Variants in UMODL1 observed in about 807,000 individuals in gnomAD.
UMODL1 encodes uromodulin-like 1.
In UMODL1, 128 loss-of-function variants were observed where a neutral mutation model predicts 136.3. The ratio of observed to expected loss-of-function variants is 0.94; its 90% confidence interval spans 0.81 to 1.09. The LOEUF (loss-of-function observed/expected upper bound fraction) is 1.09. Among genes scored for constraint, UMODL1 ranks in the 50% least tolerant of loss-of-function variants. The pLI is 0.00. For missense variants in UMODL1, 1,766 were observed against 1,725.6 expected, an observed-to-expected ratio of 1.02 and a Z score of -0.41; for synonymous variants, 721 against 720.0, an observed-to-expected ratio of 1.00 and a Z score of -0.02.
chr21:42,127,728 C>A lies in UMODL1; in HGVS notation c.3587C>A (p.Ala1196Asp). Reference sequence around the variant, plus strand: ...ATTGAGAACGGCAACTCCAATAAGGCCCAGTTCAAGCTGAGGATCTTTTCC... The same window carrying A: ...ATTGAGAACGGCAACTCCAATAAGGACCAGTTCAAGCTGAGGATCTTTTCC... ...NVIENGNSNK[A>D]QFKLRIFSFI... Residue 1196 changes from alanine (A) to aspartate (D), a missense_variant, in exon 20 of 23, where the codon GCC (alanine) becomes GAC (aspartate). Transcript: ENST00000408910. The A allele has an allele frequency of 6.2e-7, 1 of 1,614,176 alleles. No homozygotes were observed.
chr21:42,122,739 A>G lies in UMODL1; in HGVS notation c.2828-92A>G. The stretch of plus-strand genomic sequence containing the variant: ...CCCAGGTGTGGCTGCTGCAGAGTGC[A>G]GGGCAGCTCCAGTCTGCTCCTTACC... On this transcript the variant is annotated intron_variant, in intron 16 of 22. Transcript: ENST00000408910. The surrounding 1 kb of genome is among the most constrained non-coding windows in gnomAD (Gnocchi z 4.3). 1 of 1,322,470 alleles carries G rather than the reference A, an allele frequency of 7.6e-7. No homozygotes were observed. Among genetic ancestry groups the G allele is most frequent in the South Asian group, 1.5e-5 (1 of 66,860 alleles). The allele number at this position is 1,322,470 out of a possible 1,614,324, so 81.9% of individuals were successfully genotyped here. A position where few individuals can be genotyped will look rare whatever the true frequency, so the allele number is the denominator to read the frequency against.
At chr21:42,071,857 G>A (rs2066235621) in intron 1 of UMODL1, among the ~76,000 whole-genome samples, 1 of 147,994 alleles carries the variant, frequency 6.8e-6, no homozygotes, top group African/African-American at 2.5e-5. Flanking sequence ...CCTAGCCTGG[G>A]CAACATCATG....
intron 1 of UMODL1, 113 bp from the exon 2 acceptor site, chr21:42,075,892 G>A (rs117874798): frequency 0.035 from 51,897 of 1,488,612 alleles, 1,053 homozygotes; most frequent in Middle Eastern, 0.064. Flanking sequence ...AGGCCTGCGC[G>A]AGTGCGGGAG....
At chr21:42,112,713 G>T (rs1473743795) in intron 12 of UMODL1, among the ~76,000 whole-genome samples, 2 of 152,018 alleles carry the variant, frequency 1.3e-5, no homozygotes, top group African/African-American at 4.8e-5. Flanking sequence ...TAGTTCCCCA[G>T]CTGTTCTTCA....
upstream of UMODL1, among the ~76,000 whole-genome samples, chr21:42,066,447 T>G (rs1439372239): frequency 1.3e-5 from 2 of 152,196 alleles, no homozygotes; most frequent in African/African-American, 2.4e-5. Flanking sequence ...TATGCTTGGC[T>G]AATCTTTTTT....
chr21:42,108,436 G>A (rs1475083966), intron 9 of UMODL1: 2 of 475,696 alleles, frequency 4.2e-6, no homozygotes, highest in South Asian at 1.5e-5. Context: ...TGTTCTCCAG[G>A]GAAGCTGCTT....
chr21:42,126,643 C>T (rs1314959066), intron 18 of UMODL1, among the ~76,000 whole-genome samples, 153 bp downstream of exon 18: 1 of 152,198 alleles, frequency 6.6e-6, no homozygotes, highest in Non-Finnish European at 1.5e-5. Flanking sequence ...ATTTTGTTCC[C>T]TCTTCCCACT....
Position 42,142,230 on chromosome 21 carries a change from ACGGGTGGGCTCTGCCAGAGCC to A in UMODL1, c.*163_*183del, listed in dbSNP as rs2067291719. On this transcript the variant is annotated 3_prime_UTR_variant, in exon 23 of 23. Coordinates refer to ENST00000408910, the MANE Select transcript of UMODL1 (RefSeq NM_001004416.3). Reference sequence around the variant, plus strand: ...CAAGCCTTAACGGAGGTCTGCTCTGACGGGTGGGCTCTGCCAGAGCCCGGGTGAGCCCAGAAAGGAAGACAG... The same window carrying A: ...CAAGCCTTAACGGAGGTCTGCTCTGACGGGTGAGCCCAGAAAGGAAGACAG... 1 of 152,188 alleles carries A rather than the reference ACGGGTGGGCTCTGCCAGAGCC, an allele frequency of 6.6e-6. No individual in the cohort carries two copies. The highest frequency in any genetic ancestry group is 2.4e-5 in the African/African-American group (1 of 41,424). The allele number at this position is 152,188 out of a possible 1,614,324, so 9.4% of individuals were successfully genotyped here. A position where few individuals can be genotyped will look rare whatever the true frequency, so the allele number is the denominator to read the frequency against.
Position 42,115,893 on chromosome 21 carries a change from A to G in UMODL1, c.2383A>G (p.Lys795Glu), listed in dbSNP as rs1330802190. ...TGCAGCAGCCCGGAAGCTCATTGGAAAGGTCAGAATCAAAAATGTCAGGTA... is the reference window on the plus strand; with the variant it reads ...TGCAGCAGCCCGGAAGCTCATTGGAGAGGTCAGAATCAAAAATGTCAGGTA... ...VRTAARKLIG[K>E]VRIKNVRYSE... The change falls in exon 14 of 23, where the codon AAG becomes GAG. Residue 795 changes from lysine to glutamate, a missense_variant. Physicochemically the swap from Lys to Glu is moderately conservative, Grantham distance 56. Transcript: ENST00000408910. The G allele has an allele frequency of 6.2e-7, 1 of 1,613,980 alleles. No individual in the cohort carries two copies. The highest frequency in any genetic ancestry group is 8.5e-7 in the Non-Finnish European group (1 of 1,180,008).
intron 21 of UMODL1, among the ~76,000 whole-genome samples, chr21:42,135,214 G>GGA (rs1179252386): frequency 6.6e-6 from 1 of 152,248 alleles, no homozygotes; most frequent in Admixed American, 6.5e-5. Context: ...CCCTGAACAG[G>GGA]GAGATAGATG....
intron 10 of UMODL1, 115 bp downstream of exon 10, chr21:42,109,814 G>T: frequency 8.9e-7 from 1 of 1,128,252 alleles, no homozygotes; most frequent in Non-Finnish European, 1.2e-6. Context: ...TAATGTTAGG[G>T]GCCTACAGAA....
chr21:42,075,937 T>C, intron 1 of UMODL1, 68 bp from the exon 2 acceptor site: 1 of 1,589,058 alleles, frequency 6.3e-7, no homozygotes, highest in Non-Finnish European at 8.6e-7. Flanking sequence ...AGGGACGCCT[T>C]GCGGATAACC....
chr21:42,099,030 G>C lies in UMODL1; in HGVS notation c.1036G>C (p.Val346Leu). 6.2e-7 allele frequency: 1 copy of C among 1,614,180 alleles called. No individual in the cohort carries two copies. Among genetic ancestry groups the C allele is most frequent in the Non-Finnish European group, 8.5e-7 (1 of 1,180,036 alleles). ...STQNHTFHVR[V>L]YRGMELLRSA... Reference sequence around the variant, plus strand: ...ACAGAACCACACTTTCCATGTCCGGGTTTACCGGGGTATGGAGTTGCTCAG... The same window carrying C: ...ACAGAACCACACTTTCCATGTCCGGCTTTACCGGGGTATGGAGTTGCTCAG... The change falls in exon 7 of 23, where the codon GTT becomes CTT. Residue 346 changes from valine (V) to leucine (L), a missense_variant. Coordinates refer to ENST00000408910, the MANE Select transcript of UMODL1 (RefSeq NM_001004416.3). The surrounding 1 kb of genome is among the most constrained non-coding windows in gnomAD (Gnocchi z 4.1).
chr21:42,090,169 A>G (rs1385779777), intron 5 of UMODL1, 129 bp from the exon 6 acceptor site: 1 of 1,291,766 alleles, frequency 7.7e-7, no homozygotes, highest in African/African-American at 1.5e-5. Context: ...ATCACTGCCC[A>G]AGGCACCCCT....
chr21:42,092,199 G>T (rs2066499912), intron 6 of UMODL1, among the ~76,000 whole-genome samples: 1 of 152,296 alleles, frequency 6.6e-6, no homozygotes, highest in Admixed American at 6.5e-5. Context: ...AGGAGAGAAA[G>T]AAGCGAGAAT....
Position 42,099,382 on chromosome 21 carries a change from C to T in UMODL1, c.1186+202C>T, listed in dbSNP as rs1051232357. ...GCCCGCTGGTGCCTTCACTGGCTCC[C>T]TCGCTTCCCTACATGTCGTCCTGTT... On this transcript the variant is annotated intron_variant, in intron 7 of 22. Transcript: ENST00000408910. This position sits in a 1 kb window ranked among gnomAD's most constrained non-coding sequence, Gnocchi z 4.1. 1.3e-5 allele frequency among the ~76,000 whole-genome samples: 2 copies of T among 152,190 alleles called. No homozygotes were observed. Among genetic ancestry groups the T allele is most frequent in the African/African-American group, 4.8e-5 (2 of 41,432 alleles).
rs1025216206 is a variant in UMODL1, at chr21:42,102,509, G to T, written c.1299+231G>T. The T allele has an allele frequency of 1.1e-5, 4 of 376,682 alleles. No homozygotes were observed. The Admixed American group carries it at 1.7e-4, about 16-fold the overall frequency. 23.3% of individuals were successfully genotyped at this position (376,682 alleles called of 1,614,324 possible). On this transcript the variant is annotated intron_variant, in intron 8 of 22. Coordinates refer to ENST00000408910, the MANE Select transcript of UMODL1 (RefSeq NM_001004416.3). ...CTGGGCCAATCCATCTTTAAGATAT[G>T]TGCCTTTATTCAAATGGTGTACACC...
Position 42,088,884 on chromosome 21 carries a change from T to C in UMODL1, c.790+404T>C, listed in dbSNP as rs376095504. On this transcript the variant is annotated intron_variant, in intron 5 of 22. Transcript: ENST00000408910. ...TTCTTTGGTTTCCTAAATTTCCCTC[T>C]CGCCTCTTTCCCACCCTTGCCAAGG... Among the ~76,000 whole-genome samples the C allele has an allele frequency of 9.3e-4, 141 of 152,236 alleles. 1 individual carries two copies. The highest frequency in any genetic ancestry group is 1.9e-3 in the Admixed American group (29 of 15,276).
At position 42,090,446 on chromosome 21, in the gene UMODL1, C is replaced by T; in HGVS notation, c.931+8C>T. 1.9e-6 allele frequency: 3 copies of T among 1,613,508 alleles called. No individual in the cohort carries two copies. Among genetic ancestry groups the T allele is most frequent in the South Asian group, 2.2e-5 (2 of 91,046 alleles). On this transcript the variant is annotated splice_region_variant and intron_variant, in intron 6 of 22. Coordinates refer to ENST00000408910, the MANE Select transcript of UMODL1 (RefSeq NM_001004416.3). ...TGAACCTGGAGTGGGAAGGTAATGG[C>T]TAGGCTCTCTCAGATGGCATGGGAA...
Sources: gnomAD v4.1 joint callset for allele counts (sites outside exome capture counted in the v4.1 genomes callset) on GRCh38, gnomAD v4.1.1 for gene constraint, Gnocchi (gnomAD v3.1) non-coding constraint, MANE v1.5 for transcripts, NCBI Gene and HGNC (gene_info 2026-07-23, HGNC 2026-07-21) for gene names.